DLGAP2: variants seen among roughly 807,000 people sequenced by gnomAD.
DLGAP2 encodes disks large-associated protein 2.
DLGAP2 carries 26 observed loss-of-function variants against 100.3 expected under a neutral mutation model. That is an observed-to-expected ratio of 0.26 (90% CI 0.19 to 0.36). The LOEUF (loss-of-function observed/expected upper bound fraction) is 0.36, where lower values mean the gene tolerates loss of function less well. Ranked by LOEUF, DLGAP2 falls within the 10% of genes least tolerant of loss-of-function variation. The probability of loss-of-function intolerance (pLI) is 1.00; values close to 1 mark genes in which losing one functional copy is unlikely to be tolerated. For missense variants in DLGAP2, 1,858 were observed against 1,453.2 expected (o/e 1.28, Z -4.53); for synonymous variants, 886 against 630.1 (o/e 1.41, Z -6.08).
chr8:761,498 C>T (rs934187333), intron 1 of DLGAP2, among the ~76,000 whole-genome samples: 5 of 152,192 alleles, frequency 3.3e-5, no homozygotes, highest in South Asian at 4.1e-4. Context: ...ATCTACATGG[C>T]GTTGCTTTTA....
intron 8 of DLGAP2, among the ~76,000 whole-genome samples, chr8:1,665,845 A>C (rs1261557345): frequency 6.6e-6 from 1 of 152,372 alleles, no homozygotes; most frequent in East Asian, 1.9e-4. Context: ...CCATGAAAAC[A>C]GCCGCCTACT....
At chr8:980,051 C>A (rs1396633242) in intron 2 of DLGAP2, among the ~76,000 whole-genome samples, 1 of 152,200 alleles carries the variant, frequency 6.6e-6, no homozygotes, top group Admixed American at 6.5e-5. Flanking sequence ...GTTTTGGCTT[C>A]AGTGACTGGG....
chr8:1,313,752 C>G (rs898568238), intron 3 of DLGAP2, among the ~76,000 whole-genome samples: 2 of 152,066 alleles, frequency 1.3e-5, no homozygotes, highest in African/African-American at 4.8e-5. Context: ...TTTTGAATAT[C>G]AGATGTAGGA....
intron 4 of DLGAP2, among the ~76,000 whole-genome samples, chr8:1,532,418 C>T (rs1178137451): frequency 1.3e-5 from 2 of 152,106 alleles, no homozygotes; most frequent in Non-Finnish European, 2.9e-5. Flanking sequence ...AGTAAATAAG[C>T]AATACGAGAT....
At chr8:1,641,058 C>T (rs952424253) in intron 8 of DLGAP2, among the ~76,000 whole-genome samples, 10 of 152,014 alleles carry the variant, frequency 6.6e-5, no homozygotes, top group East Asian at 5.8e-4. Flanking sequence ...CTGGGAGACA[C>T]GGGTAAGGGT....
intron 2 of DLGAP2, among the ~76,000 whole-genome samples, chr8:1,157,829 C>G (rs1796819921): frequency 1.3e-5 from 2 of 152,220 alleles, no homozygotes. Flanking sequence ...AGGGCACTTC[C>G]CATTCACTGA....
intron 3 of DLGAP2, among the ~76,000 whole-genome samples, chr8:1,266,014 A>C (rs1223629529): frequency 6.6e-6 from 1 of 152,216 alleles, no homozygotes; most frequent in Non-Finnish European, 1.5e-5. Flanking sequence ...ATATGCAAAG[A>C]AAAAAATGAT....
chr8:1,689,038 G>A (rs1585066180), intron 12 of DLGAP2, among the ~76,000 whole-genome samples: 1 of 152,166 alleles, frequency 6.6e-6, no homozygotes, highest in Admixed American at 6.5e-5. Context: ...TTTCTGGATC[G>A]TGTGCAATGA....
At chr8:1,112,095 G>A (rs189580462) in intron 2 of DLGAP2, among the ~76,000 whole-genome samples, 1 of 152,050 alleles carries the variant, frequency 6.6e-6, no homozygotes, top group East Asian at 1.9e-4. Flanking sequence ...TTTAATGATG[G>A]CCATTCTGAC....
intron 5 of DLGAP2, among the ~76,000 whole-genome samples, chr8:1,550,161 T>A (rs1298185489): frequency 6.6e-6 from 1 of 152,262 alleles, no homozygotes; most frequent in Non-Finnish European, 1.5e-5. Context: ...TTGCAGTTTC[T>A]TCCAGCTCAC....
intron 2 of DLGAP2, among the ~76,000 whole-genome samples, chr8:966,361 G>A (rs564564500): frequency 1.3e-5 from 2 of 152,246 alleles, no homozygotes; most frequent in African/African-American, 4.8e-5. Context: ...TCATGACTAA[G>A]ATGATTTTTT....
chr8:1,617,659 C>T (rs1234068598), intron 6 of DLGAP2, among the ~76,000 whole-genome samples: 1 of 152,120 alleles, frequency 6.6e-6, no homozygotes. Context: ...CCATTTTGTA[C>T]GTTTTCTGTT....
At chr8:1,416,162 C>T (rs1287988360) in intron 3 of DLGAP2, among the ~76,000 whole-genome samples, 1 of 152,188 alleles carries the variant, frequency 6.6e-6, no homozygotes, top group African/African-American at 2.4e-5. Context: ...TCAGTTTGGA[C>T]GTGAAACCCA....
chr8:808,003 G>T (rs76579404), intron 1 of DLGAP2, among the ~76,000 whole-genome samples: 1 of 152,150 alleles, frequency 6.6e-6, no homozygotes, highest in African/African-American at 2.4e-5. Flanking sequence ...CAATTGCTAC[G>T]TGCAGGTCCA....
intron 2 of DLGAP2, among the ~76,000 whole-genome samples, chr8:1,240,046 T>TGC (rs1198065801): frequency 6.6e-6 from 1 of 151,704 alleles, no homozygotes; most frequent in Admixed American, 6.6e-5. Flanking sequence ...TCTAGTTCTC[T>TGC]CACATGGCGC....
At chr8:1,348,058 C>T (rs1285926229) in intron 3 of DLGAP2, among the ~76,000 whole-genome samples, 3 of 151,058 alleles carry the variant, frequency 2.0e-5, no homozygotes, top group African/African-American at 4.9e-5. Context: ...CACAGAGCTG[C>T]GCTGCTCTCA....
chr8:1,518,724 C>T (rs553538353), intron 4 of DLGAP2, among the ~76,000 whole-genome samples: 9 of 152,108 alleles, frequency 5.9e-5, no homozygotes, highest in Non-Finnish European at 8.8e-5. Context: ...TTCTCAGGCT[C>T]CAAATATTGT....
chr8:1,287,929 T>C (rs1413247843), intron 3 of DLGAP2, among the ~76,000 whole-genome samples: 1 of 137,552 alleles, frequency 7.3e-6, no homozygotes, highest in Non-Finnish European at 1.6e-5. Flanking sequence ...GGGAACTAGT[T>C]TTGGTTCAGC....
intron 2 of DLGAP2, among the ~76,000 whole-genome samples, chr8:1,024,800 A>C (rs866674759): frequency 1.3e-5 from 2 of 152,126 alleles, no homozygotes; most frequent in Non-Finnish European, 2.9e-5. Flanking sequence ...GACACGCGTG[A>C]GGGGCTTAGG....
Sources: allele counts gnomAD v4.1 joint callset (sites outside exome capture counted in the v4.1 genomes callset), GRCh38; gene constraint gnomAD v4.1.1; transcripts MANE v1.5; gene names NCBI Gene and HGNC (gene_info 2026-07-23, HGNC 2026-07-21).